Variants in ZNF783 observed in about 807,000 individuals in gnomAD.
ZNF783 encodes the protein zinc finger protein 783.
In ZNF783, 25 loss-of-function variants were observed where a neutral mutation model predicts 31.3. The observed-to-expected ratio is 0.80, with a 90% CI of 0.58 to 1.11. The LOEUF (loss-of-function observed/expected upper bound fraction) is 1.11. ZNF783 is among the 50% of genes most tolerant of loss of function. The pLI, the probability that ZNF783 is intolerant of heterozygous loss-of-function variation, is 0.00. For missense variants in ZNF783, 797 were observed against 760.0 expected (o/e 1.05, Z -0.57); for synonymous variants, 369 against 319.1 (o/e 1.16, Z -1.66).
At position 149,263,975 on chromosome 7, in the gene ZNF783, C is replaced by T. The variant is rs189266872; in HGVS notation, c.24+1618C>T. ...GGGCCCTAGAAGGTGACATCATCCA[C>T]TCCCCCTAGCCTGGGGCTCACTGCT... On this transcript the variant is annotated intron_variant, in intron 1 of 5. Coordinates refer to ENST00000434415, the MANE Select transcript of ZNF783 (RefSeq NM_001195220.2). 1.4e-3 allele frequency among the ~76,000 whole-genome samples: 210 copies of T among 152,304 alleles called. 1 individual carries two copies. In the Middle Eastern group the frequency reaches 0.017, roughly 12 times the overall value.
chr7:149,268,314 T>G (rs907948016), intron 4 of ZNF783, among the ~76,000 whole-genome samples: 5 of 152,224 alleles, frequency 3.3e-5, no homozygotes, highest in African/African-American at 1.2e-4. Context: ...TATGGGTCTT[T>G]GGATCCTAAT....
chr7:149,267,746 G>A (rs899299716), intron 4 of ZNF783, among the ~76,000 whole-genome samples: 1 of 152,096 alleles, frequency 6.6e-6, no homozygotes, highest in Non-Finnish European at 1.5e-5. Context: ...GCAATGAGCC[G>A]AGATTGCGCC....
Position 149,266,741 on chromosome 7 carries a change from G to T in ZNF783, c.420+11G>T. On this transcript the variant is annotated intron_variant, in intron 2 of 5. Coordinates refer to ENST00000434415, the MANE Select transcript of ZNF783 (RefSeq NM_001195220.2). ...GGGGAGGCCCCCAAGGTAGCACCGGGACACCCTGGGGTGGGGGAGCTCGAG... is the reference window on the plus strand; with the variant it reads ...GGGGAGGCCCCCAAGGTAGCACCGGTACACCCTGGGGTGGGGGAGCTCGAG... The T allele has an allele frequency of 1.2e-6, 2 of 1,613,570 alleles. No homozygotes were observed. Among genetic ancestry groups the T allele is most frequent in the Non-Finnish European group, 1.7e-6 (2 of 1,179,730 alleles).
At chr7:149,264,407 C>T (rs1425496399) in intron 1 of ZNF783, among the ~76,000 whole-genome samples, 1 of 152,064 alleles carries the variant, frequency 6.6e-6, no homozygotes, top group African/African-American at 2.4e-5. Flanking sequence ...GGTGGGTCCT[C>T]GGAATCCACA....
intron 4 of ZNF783, among the ~76,000 whole-genome samples, chr7:149,271,455 CTG>C (rs1430845247): frequency 2.0e-5 from 3 of 152,178 alleles, no homozygotes; most frequent in African/African-American, 7.2e-5. Context: ...TTTTTGTCCT[CTG>C]TATACATTCT....
At chr7:149,263,029 A>G (rs1319785173) in intron 1 of ZNF783, among the ~76,000 whole-genome samples, 2 of 152,014 alleles carry the variant, frequency 1.3e-5, no homozygotes, top group African/African-American at 4.8e-5. Flanking sequence ...CCCGGCTTCA[A>G]GGGATTCTCC....
At position 149,266,691 on chromosome 7, in the gene ZNF783, C is replaced by G. The variant is rs1407811190; in HGVS notation, c.381C>G (p.Ile127Met). 6.2e-7 allele frequency: 1 copy of G among 1,614,126 alleles called. No homozygotes were observed. The highest frequency in any genetic ancestry group is 8.5e-7 in the Non-Finnish European group (1 of 1,180,006). Residue 127 changes from isoleucine (I) to methionine (M), a missense_variant, in exon 2 of 6, where the codon ATC becomes ATG. Transcript: ENST00000434415. Reference sequence around the variant, plus strand: ...TGCTGCGCAACAGGAACTTCTGGATCTTGCGGCTGCCCCCGGGCAGCAAGG... The same window carrying G: ...TGCTGCGCAACAGGAACTTCTGGATGTTGCGGCTGCCCCCGGGCAGCAAGG... Reference protein sequence around the residue: ...ENLLRNRNFWILRLPPGSKGE... With the variant: ...ENLLRNRNFWMLRLPPGSKGE...
intron 1 of ZNF783, among the ~76,000 whole-genome samples, chr7:149,262,995 C>A (rs1796970684): frequency 6.6e-6 from 1 of 151,948 alleles, no homozygotes; most frequent in Non-Finnish European, 1.5e-5. Flanking sequence ...GTGGCACGAT[C>A]TCGGCTCACT....
chr7:149,270,948 T>C (rs1382235008), intron 4 of ZNF783, among the ~76,000 whole-genome samples: 1 of 152,204 alleles, frequency 6.6e-6, no homozygotes, highest in African/African-American at 2.4e-5. Context: ...AATTTAATGT[T>C]CTTTGGTTTT....
At chr7:149,269,755 G>T (rs1797167699) in intron 4 of ZNF783, among the ~76,000 whole-genome samples, 1 of 151,836 alleles carries the variant, frequency 6.6e-6, no homozygotes, top group Non-Finnish European at 1.5e-5. Context: ...GTGCCATGTT[G>T]GTGTGCTGCA....
intron 5 of ZNF783, among the ~76,000 whole-genome samples, chr7:149,279,604 C>T (rs999569241): frequency 3.3e-5 from 5 of 150,512 alleles, no homozygotes; most frequent in Non-Finnish European, 7.4e-5. Flanking sequence ...CTCACGTGGC[C>T]GCCAGCTAGC....
rs768840265 is a variant in ZNF783, at chr7:149,282,118, C to A, written c.1416C>A (p.Gly472=). The change falls in exon 6 of 6, where the codon GGC becomes GGA. Residue 472 remains glycine (G), a synonymous_variant. Coordinates refer to ENST00000434415, the MANE Select transcript of ZNF783 (RefSeq NM_001195220.2). ...GQGWPACPYC[G]KAFRRPSDLF... ...GCTGGCCCGCCTGCCCCTACTGCGG[C>A]AAGGCCTTCCGCCGGCCCTCGGACC... The A allele has an allele frequency of 6.3e-7, 1 of 1,598,732 alleles. No individual in the cohort carries two copies. Among genetic ancestry groups the A allele is most frequent in the Non-Finnish European group, 8.5e-7 (1 of 1,179,216 alleles).
intron 1 of ZNF783, 23 bp from the exon 2 acceptor site, chr7:149,266,312 C>T (rs771713483): frequency 1.3e-6 from 2 of 1,521,644 alleles, no homozygotes; most frequent in African/African-American, 2.8e-5. Flanking sequence ...CATAACATCT[C>T]TCTTTTCTCT....
chr7:149,280,083 TGGCC>T (rs1797427838), intron 5 of ZNF783, among the ~76,000 whole-genome samples: 2 of 149,054 alleles, frequency 1.3e-5, no homozygotes, highest in Non-Finnish European at 3.0e-5. Context: ...ACGGGGCGGC[TGGCC>T]GGGCGGGGGG....
chr7:149,266,510 T>C lies in ZNF783; in HGVS notation c.200T>C (p.Leu67Pro), dbSNP rs975876618. The C allele has an allele frequency of 1.9e-6, 3 of 1,613,800 alleles. No individual in the cohort carries two copies. Among genetic ancestry groups the C allele is most frequent in the African/African-American group, 2.7e-5 (2 of 74,906 alleles). ...TCCTGCCTGACCCGCTTGCTGACTC[T>C]GGAGGGGCGCACGGGGACAGCCGAG... The part of the protein sequence containing the change: ...VDSCLTRLLT[L>P]EGRTGTAEKK... The change falls in exon 2 of 6, where the codon CTG becomes CCG. Residue 67 changes from leucine to proline, a missense_variant. By Grantham distance (98) the Leu-to-Pro change is moderately conservative (BLOSUM62 -3). Transcript: ENST00000434415.
chr7:149,273,688 C>T (rs1797261044), intron 4 of ZNF783, among the ~76,000 whole-genome samples: 2 of 152,060 alleles, frequency 1.3e-5, no homozygotes, highest in South Asian at 4.2e-4. Flanking sequence ...GGACTAGAGG[C>T]ATGTGTCACC....
chr7:149,280,342 G>A (rs1490243139), intron 5 of ZNF783, among the ~76,000 whole-genome samples: 1 of 152,162 alleles, frequency 6.6e-6, no homozygotes, highest in East Asian at 1.9e-4. Context: ...GCCAGGCATG[G>A]GGCCTGGGGA....
intron 1 of ZNF783, 99 bp from the exon 2 acceptor site, chr7:149,266,231 TGGGAC>T: frequency 7.4e-7 from 1 of 1,355,244 alleles, no homozygotes; most frequent in African/African-American, 1.5e-5. Context: ...GGAGCCCAGA[TGGGAC>T]TTTACCATGG....
intron 3 of ZNF783, 64 bp from the exon 4 acceptor site, chr7:149,267,033 G>A (rs1742607146): frequency 6.2e-7 from 1 of 1,609,788 alleles, no homozygotes; most frequent in South Asian, 1.1e-5. Context: ...GGTACTTTGG[G>A]CATCTCTGCA....
Sources: gnomAD v4.1 joint callset for allele counts (sites outside exome capture counted in the v4.1 genomes callset) on GRCh38, gnomAD v4.1.1 for gene constraint, MANE v1.5 for transcripts, NCBI Gene and HGNC (gene_info 2026-07-23, HGNC 2026-07-21) for gene names.